The following CSMD1 variants were observed in gnomAD, a reference collection of about 807,000 sequenced individuals.
The protein encoded by CSMD1 is CUB and sushi domain-containing protein 1.
In CSMD1, 213 loss-of-function variants were observed where a neutral mutation model predicts 417.5. The ratio of observed to expected loss-of-function variants is 0.51; its 90% CI spans 0.46 to 0.57. The LOEUF (loss-of-function observed/expected upper bound fraction) is 0.57, where lower values mean the gene tolerates loss of function less well. Ranked by LOEUF, CSMD1 falls within the 20% of genes least tolerant of loss-of-function variation. CSMD1 has a pLI of 0.00. For synonymous variants in CSMD1, 2,862 were observed against 1,736.8 expected (o/e 1.65, Z -16.11); for missense variants, 6,923 against 4,529.7 (o/e 1.53, Z -15.17).
chr8:3,273,229 T>A (rs1361100309), intron 26 of CSMD1, among the ~76,000 whole-genome samples: 2 of 151,198 alleles, frequency 1.3e-5, no homozygotes, highest in Non-Finnish European at 2.9e-5. Context: ...TATGCTGGAT[T>A]ACATTTATAG....
At chr8:4,794,613 G>T (rs746142588) in intron 1 of CSMD1, among the ~76,000 whole-genome samples, 1 of 152,074 alleles carries the variant, frequency 6.6e-6, no homozygotes, top group Admixed American at 6.6e-5. Context: ...GGGCTGCAAG[G>T]CTGATGTGCT....
At chr8:3,861,657 T>G (rs2129106053) in intron 5 of CSMD1, among the ~76,000 whole-genome samples, 1 of 152,336 alleles carries the variant, frequency 6.6e-6, no homozygotes, top group Non-Finnish European at 1.5e-5. Context: ...TATATGGCTC[T>G]CCTGTTATTG....
intron 2 of CSMD1, among the ~76,000 whole-genome samples, chr8:4,520,126 T>C (rs926522196): frequency 2.6e-5 from 4 of 152,190 alleles, no homozygotes; most frequent in South Asian, 2.1e-4. Flanking sequence ...TATACATTCA[T>C]CTGAAAGAGC....
At chr8:4,153,755 C>G (rs1362343832) in intron 3 of CSMD1, among the ~76,000 whole-genome samples, 1 of 152,190 alleles carries the variant, frequency 6.6e-6, no homozygotes, top group African/African-American at 2.4e-5. Flanking sequence ...TGTGGTGACC[C>G]TGTGCTCTAA....
intron 3 of CSMD1, among the ~76,000 whole-genome samples, chr8:4,267,754 C>G (rs1028407292): frequency 6.6e-6 from 1 of 152,106 alleles, no homozygotes; most frequent in Non-Finnish European, 1.5e-5. Context: ...AGGTGCCACT[C>G]TTAGCATCAG....
At chr8:3,524,493 G>C (rs1797670382) in intron 10 of CSMD1, among the ~76,000 whole-genome samples, 2 of 138,534 alleles carry the variant, frequency 1.4e-5, no homozygotes, top group Middle Eastern at 5.0e-3. Flanking sequence ...GCACACACAA[G>C]TACACACATG....
At chr8:3,669,500 G>C (rs1272785455) in intron 7 of CSMD1, among the ~76,000 whole-genome samples, 1 of 152,118 alleles carries the variant, frequency 6.6e-6, no homozygotes, top group African/African-American at 2.4e-5. Context: ...ACTAAATATT[G>C]AGAATACAAG....
At chr8:3,656,825 T>G (rs1186633022) in intron 7 of CSMD1, among the ~76,000 whole-genome samples, 1 of 151,818 alleles carries the variant, frequency 6.6e-6, no homozygotes, top group Non-Finnish European at 1.5e-5. Context: ...TTCAGGAGGC[T>G]GAGGCAGATG....
At chr8:3,704,669 G>C (rs1563291003) in intron 7 of CSMD1, 2 of 152,170 alleles carry the variant, frequency 1.3e-5, no homozygotes, top group African/African-American at 4.8e-5. Flanking sequence ...ACCCTTTGTG[G>C]CCACGCCCCT....
At chr8:4,275,934 A>C (rs1585141211) in intron 3 of CSMD1, among the ~76,000 whole-genome samples, 1 of 152,306 alleles carries the variant, frequency 6.6e-6, no homozygotes, top group East Asian at 1.9e-4. Flanking sequence ...ACTTTGTGTA[A>C]AAAGGAAACC....
chr8:2,989,147 C>T (rs551934526), intron 54 of CSMD1, among the ~76,000 whole-genome samples: 1 of 152,316 alleles, frequency 6.6e-6, no homozygotes, highest in African/African-American at 2.4e-5. Context: ...AAGAATCAGA[C>T]CATATTGCAG....
chr8:3,805,090 G>A (rs1388075392), intron 5 of CSMD1, among the ~76,000 whole-genome samples: 3 of 142,480 alleles, frequency 2.1e-5, no homozygotes, highest in Non-Finnish European at 4.8e-5. Context: ...GATACTACGG[G>A]AACCCCACTG....
At chr8:4,117,696 T>C (rs1024902109) in intron 3 of CSMD1, among the ~76,000 whole-genome samples, 1 of 152,164 alleles carries the variant, frequency 6.6e-6, no homozygotes, top group African/African-American at 2.4e-5. Flanking sequence ...ACTGGCCTTC[T>C]CTAGTCAGTA....
At chr8:3,295,500 A>C (rs1803899257) in intron 25 of CSMD1, among the ~76,000 whole-genome samples, 1 of 152,142 alleles carries the variant, frequency 6.6e-6, no homozygotes, top group Admixed American at 6.5e-5. Context: ...ATTTACTTTA[A>C]AACTGTAAGT....
chr8:3,131,372 A>T, intron 41 of CSMD1, among the ~76,000 whole-genome samples: 1 of 151,690 alleles, frequency 6.6e-6, no homozygotes, highest in South Asian at 2.1e-4. Flanking sequence ...AAAAATAAAT[A>T]AATAAAATAA....
chr8:3,203,290 G>T (rs1797086167), intron 31 of CSMD1, among the ~76,000 whole-genome samples: 1 of 152,142 alleles, frequency 6.6e-6, no homozygotes. Context: ...TCTTCCTTGA[G>T]GAACCTCCTT....
chr8:4,044,779 T>C (rs1392078814), intron 3 of CSMD1, among the ~76,000 whole-genome samples: 7 of 152,230 alleles, frequency 4.6e-5, no homozygotes, highest in African/African-American at 1.7e-4. Flanking sequence ...CCTAGCCGTG[T>C]AGCACCCTGA....
chr8:4,080,008 T>C (rs1800043661), intron 3 of CSMD1, among the ~76,000 whole-genome samples: 1 of 152,028 alleles, frequency 6.6e-6, no homozygotes, highest in Non-Finnish European at 1.5e-5. Flanking sequence ...TTGGTGTTTT[T>C]TTTTTTTTCT....
At chr8:3,718,735 G>A (rs1467826857) in intron 6 of CSMD1, among the ~76,000 whole-genome samples, 2 of 152,154 alleles carry the variant, frequency 1.3e-5, no homozygotes, top group East Asian at 1.9e-4. Context: ...TTTACTGGAA[G>A]AAAGGCAATT....
Sources: gnomAD v4.1 joint callset for allele counts (sites outside exome capture counted in the v4.1 genomes callset) on GRCh38, gnomAD v4.1.1 for gene constraint, MANE v1.5 for transcripts, NCBI Gene and HGNC (gene_info 2026-07-23, HGNC 2026-07-21) for gene names.